RERE: variants seen among roughly 807,000 people sequenced by gnomAD.
RERE encodes arginine-glutamic acid dipeptide repeats.
Under a neutral mutation model 146.1 loss-of-function variants are expected in RERE, and 40 were observed. That is an observed-to-expected ratio of 0.27 (90% CI 0.21 to 0.36). RERE has a LOEUF of 0.36. Ranked by LOEUF, RERE falls within the 10% of genes least tolerant of loss-of-function variation. The pLI is 1.00. For missense variants in RERE, 1,933 were observed against 2,138.7 expected, an observed-to-expected ratio of 0.90 and a Z score of 1.90; for synonymous variants, 1,003 against 866.0, an observed-to-expected ratio of 1.16 and a Z score of -2.78.
rs956080418 is a variant in RERE, at chr1:8,423,087, C to T, written c.1204-280G>A. The T allele has an allele frequency of 7.4e-6, 3 of 404,010 alleles. No individual in the cohort carries two copies. The South Asian group carries it at 9.2e-5, about 12-fold the overall frequency. The allele number at this position is 404,010 out of a possible 1,614,324, so 25.0% of individuals were successfully genotyped here. On this transcript the variant is annotated intron_variant, in intron 11 of 22. Coordinates refer to ENST00000400908, the MANE Select transcript of RERE (RefSeq NM_001042681.2). This position sits in a 1 kb window ranked among gnomAD's most constrained non-coding sequence, Gnocchi z 5.4. ...TGAGGCTAAGAAGCAATCTGTCCCCCTCTTCCACCAGGCACACATTCTGGT... is the reference window on the plus strand; with the variant it reads ...TGAGGCTAAGAAGCAATCTGTCCCCTTCTTCCACCAGGCACACATTCTGGT...
chr1:8,513,768 G>A (rs912515621), intron 7 of RERE, among the ~76,000 whole-genome samples: 7 of 152,088 alleles, frequency 4.6e-5, no homozygotes, highest in African/African-American at 7.2e-5. Context: ...CAACAAGAGC[G>A]AAACTCTGTC....
At chr1:8,707,265 T>C (rs1639576878) in intron 1 of RERE, among the ~76,000 whole-genome samples, 1 of 152,266 alleles carries the variant, frequency 6.6e-6, no homozygotes, top group African/African-American at 2.4e-5. Context: ...CATCTGACTT[T>C]ATCCTAACAG....
At chr1:8,475,243 G>A (rs928530344) in intron 10 of RERE, among the ~76,000 whole-genome samples, 48 of 150,810 alleles carry the variant, frequency 3.2e-4, no homozygotes, top group South Asian at 4.2e-4. Flanking sequence ...GTGTGGTGGC[G>A]CGCACCTGTA....
Position 8,564,826 on chromosome 1 carries a change from A to ATATATGTGTGTGTG in RERE, c.523-7304_523-7303insCACACACACATATA, listed in dbSNP as rs1384858524. On this transcript the variant is annotated intron_variant, in intron 4 of 22. Transcript: ENST00000400908. ...TGTGTGTGTATGTATGTGTGTGTAT[A>ATATATGTGTGTGTG]TGTGTATGTGTGTGTGTGTGTGTGT... 5.0e-4 allele frequency among the ~76,000 whole-genome samples: 59 copies of ATATATGTGTGTGTG among 117,910 alleles called. 1 individual carries two copies. Among genetic ancestry groups the ATATATGTGTGTGTG allele is most frequent in the Middle Eastern group, 4.0e-3 (1 of 252 alleles). 77.4% of individuals were successfully genotyped at this position (117,910 alleles called of 152,430 possible). A position where few individuals can be genotyped will look rare whatever the true frequency, so the allele number is the denominator to read the frequency against.
chr1:8,357,017 A>G (rs1258022205), intron 20 of RERE, among the ~76,000 whole-genome samples: 2 of 152,068 alleles, frequency 1.3e-5, no homozygotes, highest in East Asian at 3.9e-4. Flanking sequence ...ACCTCTCCTG[A>G]CGGCCTTCTC....
chr1:8,792,318 C>CTA (rs1641378324), intron 1 of RERE: 1 of 152,154 alleles, frequency 6.6e-6, no homozygotes, highest in Admixed American at 6.5e-5. Flanking sequence ...TTGAAATACA[C>CTA]TATGTAGTTG....
intron 1 of RERE, among the ~76,000 whole-genome samples, chr1:8,705,573 A>C (rs751180868): frequency 6.6e-6 from 1 of 152,010 alleles, no homozygotes; most frequent in Non-Finnish European, 1.5e-5. Flanking sequence ...CACAGCATTG[A>C]TCTCCGTTTG....
intron 12 of RERE, among the ~76,000 whole-genome samples, chr1:8,418,010 C>T (rs1643825096): frequency 6.6e-6 from 1 of 152,174 alleles, no homozygotes. Flanking sequence ...TTTCCAGGAG[C>T]CTCTGTGCTC....
In RERE at chr1:8,624,304, G is replaced by A. The variant is rs374993416; in HGVS notation, c.396+6C>T. ...GCAGAGTGAACAGCACATTAAAAACGCTTACCAGTTTGAAGTCTTGAATGC... is the reference window on the plus strand; with the variant it reads ...GCAGAGTGAACAGCACATTAAAAACACTTACCAGTTTGAAGTCTTGAATGC... On this transcript the variant is annotated splice_donor_region_variant and intron_variant, in intron 3 of 22. Transcript: ENST00000400908. The A allele has an allele frequency of 2.2e-4, 349 of 1,604,004 alleles. No individual in the cohort carries two copies. The highest frequency in any genetic ancestry group is 2.8e-4 in the Non-Finnish European group (324 of 1,172,782).
chr1:8,722,960 C>G (rs1394588993), intron 1 of RERE, among the ~76,000 whole-genome samples: 1 of 152,196 alleles, frequency 6.6e-6, no homozygotes, highest in Non-Finnish European at 1.5e-5. Context: ...AAATAAAAAG[C>G]TATTTGACAT....
At chr1:8,515,916 T>C (rs1172529135) in intron 7 of RERE, among the ~76,000 whole-genome samples, 1 of 152,058 alleles carries the variant, frequency 6.6e-6, no homozygotes, top group East Asian at 1.9e-4. Flanking sequence ...TCACATACGT[T>C]ATCTTAAATC....
rs1276360480 is a variant in RERE at position 8,638,226 on chromosome 1, A to T, written c.326-13846T>A. On this transcript the variant is annotated intron_variant, in intron 2 of 22. Transcript: ENST00000400908. Reference sequence around the variant, plus strand: ...GGATTTACTAGAGGTCACTCCCTGAATAACCTCCATACTTTCAAAGTAATG... The same window carrying T: ...GGATTTACTAGAGGTCACTCCCTGATTAACCTCCATACTTTCAAAGTAATG... 2.0e-5 allele frequency among the ~76,000 whole-genome samples: 3 copies of T among 152,222 alleles called. No homozygotes were observed. The East Asian group carries it at 5.8e-4, about 29-fold the overall frequency.
chr1:8,690,761 A>G (rs889419236), intron 1 of RERE, among the ~76,000 whole-genome samples: 1 of 152,228 alleles, frequency 6.6e-6, no homozygotes, highest in African/African-American at 2.4e-5. Context: ...TCCTTGGAAC[A>G]AAGGAAAAAA....
chr1:8,451,850 C>T (rs1424686179), intron 11 of RERE, among the ~76,000 whole-genome samples: 2 of 152,158 alleles, frequency 1.3e-5, no homozygotes, highest in African/African-American at 4.8e-5. Flanking sequence ...CAGCCCACCT[C>T]CACTCTTCCA....
chr1:8,460,476 G>A (rs147325143), intron 11 of RERE, among the ~76,000 whole-genome samples: 1 of 152,252 alleles, frequency 6.6e-6, no homozygotes, highest in East Asian at 1.9e-4. Flanking sequence ...TTAAATTGAA[G>A]GAAGATTTAG....
chr1:8,611,210 C>A (rs1475630113), intron 4 of RERE, among the ~76,000 whole-genome samples: 2 of 148,516 alleles, frequency 1.3e-5, no homozygotes, highest in Admixed American at 6.7e-5. Flanking sequence ...ACAACAACAA[C>A]AAAACATACA....
chr1:8,678,463 T>C (rs1638891872), intron 1 of RERE, among the ~76,000 whole-genome samples: 1 of 148,738 alleles, frequency 6.7e-6, no homozygotes, highest in African/African-American at 2.5e-5. Flanking sequence ...GCTAACATGG[T>C]GAAACCCCAT....
At chr1:8,582,353 T>C (rs896709307) in intron 4 of RERE, among the ~76,000 whole-genome samples, 2 of 151,434 alleles carry the variant, frequency 1.3e-5, no homozygotes, top group Non-Finnish European at 1.5e-5. Flanking sequence ...ACTGGGACTA[T>C]AGGTGTGTAT....
chr1:8,539,875 A>G (rs1158110072), intron 7 of RERE, among the ~76,000 whole-genome samples: 1 of 152,174 alleles, frequency 6.6e-6, no homozygotes. Flanking sequence ...GCGAGCCCCA[A>G]GAGAGCTGTG....
Sources: gnomAD v4.1 joint callset for allele counts (sites outside exome capture counted in the v4.1 genomes callset) on GRCh38, gnomAD v4.1.1 for gene constraint, Gnocchi (gnomAD v3.1) non-coding constraint, MANE v1.5 for transcripts, NCBI Gene and HGNC (gene_info 2026-07-23, HGNC 2026-07-21) for gene names.